DYNC1I1: variants seen among roughly 807,000 people sequenced by gnomAD.
DYNC1I1 encodes cytoplasmic dynein 1 intermediate chain 1.
In DYNC1I1, 43 loss-of-function variants were observed where a neutral mutation model predicts 86.6. The ratio of observed to expected loss-of-function variants is 0.50; its 90% CI spans 0.39 to 0.64. DYNC1I1 has a LOEUF of 0.64. Ranked by LOEUF, DYNC1I1 falls within the 30% of genes least tolerant of loss-of-function variation. The probability of loss-of-function intolerance (pLI) is 0.00; values close to 1 mark genes in which losing one functional copy is unlikely to be tolerated. For missense variants in DYNC1I1, 604 were observed against 788.8 expected (o/e 0.77, Z 2.81); for synonymous variants, 262 against 283.7 (o/e 0.92, Z 0.77).
chr7:95,925,728 C>T (rs1791728364), intron 6 of DYNC1I1, among the ~76,000 whole-genome samples: 1 of 152,160 alleles, frequency 6.6e-6, no homozygotes, highest in Non-Finnish European at 1.5e-5. Flanking sequence ...GAGCTTTGTT[C>T]ACAAGTGACA....
chr7:96,041,774 T>C (rs1321544424), intron 14 of DYNC1I1, among the ~76,000 whole-genome samples: 1 of 152,056 alleles, frequency 6.6e-6, no homozygotes, highest in African/African-American at 2.4e-5. Flanking sequence ...AATTAGAAGT[T>C]GAAAGGATAA....
intron 10 of DYNC1I1, among the ~76,000 whole-genome samples, chr7:96,000,902 C>A (rs574570862): frequency 1.3e-5 from 2 of 152,108 alleles, no homozygotes; most frequent in Non-Finnish European, 2.9e-5. Context: ...ATGGAGTATG[C>A]GAGGGACCAA....
chr7:96,041,229 TAAC>T (rs1018187468), intron 14 of DYNC1I1, among the ~76,000 whole-genome samples: 3 of 152,146 alleles, frequency 2.0e-5, no homozygotes, highest in African/African-American at 4.8e-5. Flanking sequence ...TATGAAAAGA[TAAC>T]AACCTCATTT....
At chr7:96,051,136 C>G (rs1789393242) in intron 14 of DYNC1I1, among the ~76,000 whole-genome samples, 1 of 152,026 alleles carries the variant, frequency 6.6e-6, no homozygotes, top group Admixed American at 6.5e-5. Flanking sequence ...TAGACAAGTT[C>G]TGAGTCTTTG....
At chr7:96,034,717 G>T (rs1240581126) in intron 12 of DYNC1I1, among the ~76,000 whole-genome samples, 1 of 152,128 alleles carries the variant, frequency 6.6e-6, no homozygotes, top group Non-Finnish European at 1.5e-5. Flanking sequence ...ACACATCACA[G>T]GATCAGAATC....
intron 1 of DYNC1I1, among the ~76,000 whole-genome samples, chr7:95,785,979 A>G (rs541512964): frequency 6.8e-4 from 104 of 151,948 alleles, no homozygotes; most frequent in Non-Finnish European, 1.1e-3. Context: ...CAAAAGTGTG[A>G]TATGTAAGAA....
At chr7:95,800,321 G>T (rs1794547224) in intron 1 of DYNC1I1, among the ~76,000 whole-genome samples, 1 of 152,012 alleles carries the variant, frequency 6.6e-6, no homozygotes, top group African/African-American at 2.4e-5. Flanking sequence ...GTATAACTTG[G>T]CTTGACAAAG....
chr7:95,905,820 TC>T (rs1791161820), intron 6 of DYNC1I1, among the ~76,000 whole-genome samples: 1 of 152,156 alleles, frequency 6.6e-6, no homozygotes, highest in African/African-American at 2.4e-5. Flanking sequence ...TCTCCACTGA[TC>T]AGCCCAATAT....
At chr7:95,799,932 GTAA>G (rs1794537845) in intron 1 of DYNC1I1, among the ~76,000 whole-genome samples, 1 of 151,646 alleles carries the variant, frequency 6.6e-6, no homozygotes, top group Non-Finnish European at 1.5e-5. Context: ...TAAACTAATG[GTAA>G]TAATGATAGA....
intron 14 of DYNC1I1, among the ~76,000 whole-genome samples, chr7:96,071,481 C>T (rs935957392): frequency 1.3e-5 from 2 of 152,180 alleles, no homozygotes; most frequent in African/African-American, 4.8e-5. Flanking sequence ...TTTTCTGCTC[C>T]ATGCTACCTT....
intron 6 of DYNC1I1, among the ~76,000 whole-genome samples, chr7:95,921,691 G>C (rs558890269): frequency 5.5e-4 from 84 of 152,312 alleles, no homozygotes; most frequent in Non-Finnish European, 9.4e-4. Flanking sequence ...TTATGAGCGT[G>C]TTGACTGACC....
intron 7 of DYNC1I1, among the ~76,000 whole-genome samples, chr7:95,984,388 T>A (rs1404437500): frequency 6.6e-6 from 1 of 152,208 alleles, no homozygotes; most frequent in African/African-American, 2.4e-5. Flanking sequence ...GAGGATCATA[T>A]TATAGAGTGT....
intron 16 of DYNC1I1, among the ~76,000 whole-genome samples, chr7:96,093,257 C>T (rs932595393): frequency 2.6e-5 from 4 of 152,152 alleles, no homozygotes; most frequent in Admixed American, 6.5e-5. Flanking sequence ...CTCATGCTCT[C>T]CACATCTCTG....
intron 1 of DYNC1I1, among the ~76,000 whole-genome samples, chr7:95,780,920 T>A (rs529581598): frequency 6.6e-6 from 1 of 152,144 alleles, no homozygotes. Flanking sequence ...GTGCGTCTAC[T>A]GTTTCACCAT....
intron 3 of DYNC1I1, 138 bp from the exon 4 acceptor site, chr7:95,813,109 T>TTTA: frequency 7.4e-7 from 1 of 1,358,542 alleles, no homozygotes; most frequent in Non-Finnish European, 9.8e-7. Context: ...TTTTTTTTTC[T>TTTA]TTATCCCATC....
chr7:96,084,651 G>T lies in DYNC1I1; in HGVS notation c.1776+4163G>T, dbSNP rs933776766. ...TTGGCCAGGCTGGTCTCGAACTCCT[G>T]ACCTCAGGTGATCCACTCGCCTCGG... On this transcript the variant is annotated intron_variant, in intron 16 of 16. Coordinates refer to ENST00000447467, the MANE Select transcript of DYNC1I1 (RefSeq NM_001135556.2). Among the ~76,000 whole-genome samples the T allele has an allele frequency of 3.9e-5, 6 of 151,990 alleles. No homozygotes were observed. The East Asian group carries it at 1.2e-3, about 29-fold the overall frequency.
chr7:95,786,246 G>A (rs1794142891), intron 1 of DYNC1I1, among the ~76,000 whole-genome samples: 1 of 152,026 alleles, frequency 6.6e-6, no homozygotes, highest in African/African-American at 2.4e-5. Flanking sequence ...TTGACCATAT[G>A]CTACAGTCCC....
At chr7:95,910,778 A>G (rs1010380846) in intron 6 of DYNC1I1, among the ~76,000 whole-genome samples, 12 of 152,204 alleles carry the variant, frequency 7.9e-5, no homozygotes, top group Admixed American at 6.5e-4. Flanking sequence ...CTCACCTGTT[A>G]AAGAGGCAAT....
intron 1 of DYNC1I1, among the ~76,000 whole-genome samples, chr7:95,794,188 C>T (rs1794379302): frequency 6.6e-6 from 1 of 152,164 alleles, no homozygotes; most frequent in African/African-American, 2.4e-5. Context: ...GCCTAGAGGG[C>T]TCCCATCTCC....
Sources: allele counts gnomAD v4.1 joint callset (sites outside exome capture counted in the v4.1 genomes callset), GRCh38; gene constraint gnomAD v4.1.1; transcripts MANE v1.5; gene names NCBI Gene and HGNC (gene_info 2026-07-23, HGNC 2026-07-21).